ACTR3C: variants seen among roughly 807,000 people sequenced by gnomAD.
The protein encoded by ACTR3C is actin related protein 3C, also known as actin-related protein 3C.
Under a neutral mutation model 26.3 loss-of-function variants are expected in ACTR3C, and 18 were observed. That is an observed-to-expected ratio of 0.68 (90% confidence interval 0.47 to 1.01). ACTR3C has a LOEUF of 1.01. Ranked by LOEUF, ACTR3C falls within the 50% of genes least tolerant of loss-of-function variation. ACTR3C has a pLI of 0.00. For missense variants in ACTR3C, 184 were observed against 250.7 expected (o/e 0.73, Z 1.80); for synonymous variants, 55 against 94.5 (o/e 0.58, Z 2.42).
chr7:150,125,837 C>T, the ACTR3C span, among the ~76,000 whole-genome samples: 1 of 152,154 alleles, frequency 6.6e-6, no homozygotes, highest in African/African-American at 2.4e-5. Flanking sequence ...AATGTGAGCC[C>T]TTGCTTGGAC....
At chr7:150,309,303 G>A (rs1413714428) in intron 1 of ACTR3C, among the ~76,000 whole-genome samples, 9 of 152,242 alleles carry the variant, frequency 5.9e-5, no homozygotes, top group East Asian at 1.9e-4. Flanking sequence ...ACCCTTAGAC[G>A]CTTTACAGCC....
the ACTR3C span, among the ~76,000 whole-genome samples, chr7:149,964,200 G>A: frequency 3.3e-5 from 5 of 152,234 alleles, no homozygotes; most frequent in African/African-American, 4.8e-5. Flanking sequence ...TGGTGGCCCA[G>A]TGAGGGATAA....
At chr7:149,987,571 G>T in the ACTR3C span, among the ~76,000 whole-genome samples, 8 of 125,836 alleles carry the variant, frequency 6.4e-5, no homozygotes, top group Admixed American at 8.4e-5. Flanking sequence ...TCTCAAAAAA[G>T]AAAAAATAAA....
At chr7:150,275,019 C>T (rs1834756771) in intron 6 of ACTR3C, among the ~76,000 whole-genome samples, 1 of 152,200 alleles carries the variant, frequency 6.6e-6, no homozygotes, top group South Asian at 2.1e-4. Flanking sequence ...CTGGCTAAGG[C>T]AGGTCAGCAT....
At chr7:150,278,856 GCTAC>G (rs1157366756) in intron 6 of ACTR3C, among the ~76,000 whole-genome samples, 2 of 152,194 alleles carry the variant, frequency 1.3e-5, no homozygotes, top group Non-Finnish European at 2.9e-5. Flanking sequence ...AACCAGAGCA[GCTAC>G]CTTTTTATCT....
chr7:150,252,523 A>G (rs189280897), intron 6 of ACTR3C, among the ~76,000 whole-genome samples: 1 of 152,342 alleles, frequency 6.6e-6, no homozygotes, highest in Admixed American at 6.5e-5. Context: ...CAGGAAGAAT[A>G]CATGATACTA....
At chr7:150,111,210 C>G in the ACTR3C span, among the ~76,000 whole-genome samples, 1 of 122,964 alleles carries the variant, frequency 8.1e-6, no homozygotes, top group South Asian at 2.5e-4. Flanking sequence ...GTGAGCACCC[C>G]CCTTTTCCTC....
At chr7:150,020,664 T>C in the ACTR3C span, among the ~76,000 whole-genome samples, 1 of 151,976 alleles carries the variant, frequency 6.6e-6, no homozygotes, top group Non-Finnish European at 1.5e-5. Flanking sequence ...ATCCTGTATT[T>C]CAAATGGAGT....
chr7:149,990,525 C>T, the ACTR3C span, among the ~76,000 whole-genome samples: 6 of 124,472 alleles, frequency 4.8e-5, no homozygotes, highest in Non-Finnish European at 8.3e-5. Flanking sequence ...AAGGATATAA[C>T]GCCTGGCCTA....
At chr7:150,132,854 C>T in the ACTR3C span, among the ~76,000 whole-genome samples, 2 of 152,240 alleles carry the variant, frequency 1.3e-5, no homozygotes, top group South Asian at 4.2e-4. Context: ...AACCCAGGTG[C>T]CCACCAATGG....
chr7:150,058,734 G>A, the ACTR3C span, among the ~76,000 whole-genome samples: 162 of 152,254 alleles, frequency 1.1e-3, 1 homozygote, highest in African/African-American at 3.7e-3. Context: ...GGCCAACATG[G>A]TGAAACCTCG....
chr7:150,124,475 A>G, the ACTR3C span, among the ~76,000 whole-genome samples: 4 of 152,092 alleles, frequency 2.6e-5, no homozygotes, highest in Admixed American at 2.6e-4. Context: ...GCATTTCCAC[A>G]CTGTTGTCTG....
chr7:149,951,539 C>T, the ACTR3C span, among the ~76,000 whole-genome samples: 2 of 150,732 alleles, frequency 1.3e-5, no homozygotes, highest in African/African-American at 5.0e-5. Flanking sequence ...CCTTTTAGCT[C>T]TCAGCTAGAG....
the ACTR3C span, among the ~76,000 whole-genome samples, chr7:149,885,275 A>G: frequency 3.3e-5 from 5 of 152,222 alleles, no homozygotes; most frequent in African/African-American, 9.6e-5. Context: ...GGAGCCTGGG[A>G]GGCCCTGAGG....
At chr7:149,960,309 G>T in the ACTR3C span, among the ~76,000 whole-genome samples, 1 of 152,024 alleles carries the variant, frequency 6.6e-6, no homozygotes, top group South Asian at 2.1e-4. Flanking sequence ...TAGGAGTTTC[G>T]CAAGTGATGT....
chr7:149,971,770 G>A, the ACTR3C span, among the ~76,000 whole-genome samples: 1 of 152,248 alleles, frequency 6.6e-6, no homozygotes, highest in East Asian at 1.9e-4. Context: ...CCCTGATCTG[G>A]TTTCTACAGG....
At chr7:150,156,202 G>A in the ACTR3C span, among the ~76,000 whole-genome samples, 5 of 152,098 alleles carry the variant, frequency 3.3e-5, no homozygotes, top group Non-Finnish European at 5.9e-5. Context: ...AGCAGCAGGC[G>A]CTGAGCAACA....
At chr7:150,236,755 T>C in the ACTR3C span, among the ~76,000 whole-genome samples, 1 of 150,332 alleles carries the variant, frequency 6.7e-6, no homozygotes. Context: ...GCCCCTGGAG[T>C]GTACCCCGTG....
chr7:150,021,870 T>A, the ACTR3C span, among the ~76,000 whole-genome samples: 851 of 151,864 alleles, frequency 5.6e-3, 14 homozygotes, highest in African/African-American at 0.02. Flanking sequence ...TACTCCTTGG[T>A]TGATGAACAT....
Sources: gnomAD v4.1 joint callset for allele counts (sites outside exome capture counted in the v4.1 genomes callset) on GRCh38, gnomAD v4.1.1 for gene constraint, MANE v1.5 for transcripts, NCBI Gene and HGNC (gene_info 2026-07-23, HGNC 2026-07-21) for gene names.